PCDHA10: variants seen among roughly 807,000 people sequenced by gnomAD.
PCDHA10 encodes the protein protocadherin alpha-10.
Under a neutral mutation model 61.2 loss-of-function variants are expected in PCDHA10, and 45 were observed. That is an observed-to-expected ratio of 0.74 (90% CI 0.58 to 0.94). The LOEUF is 0.94. Among genes scored for constraint, PCDHA10 ranks in the 40% least tolerant of loss-of-function variants. The pLI is 0.00. For missense variants in PCDHA10, 1,278 were observed against 1,236.2 expected, an observed-to-expected ratio of 1.03 and a Z score of -0.51; for synonymous variants, 602 against 548.8, an observed-to-expected ratio of 1.10 and a Z score of -1.35.
Position 140,988,326 on chromosome 5 carries a change from G to A in PCDHA10, c.2536+5763G>A, listed in dbSNP as rs144904425. 8.4e-3 allele frequency among the ~76,000 whole-genome samples: 1,281 copies of A among 152,296 alleles called. 12 individuals carry two copies. The highest frequency in any genetic ancestry group is 0.014 in the Non-Finnish European group (960 of 68,020). ...CAGCTTGGCTTGGCTTTCTCTACCC[G>A]AGGAAAGTAAGTCCTTTTAAGATGC... On this transcript the variant is annotated intron_variant, in intron 3 of 3. Coordinates refer to ENST00000307360, the MANE Select transcript of PCDHA10 (RefSeq NM_018901.4).
chr5:140,945,183 A>G (rs1445694327), intron 1 of PCDHA10, among the ~76,000 whole-genome samples: 6 of 152,160 alleles, frequency 3.9e-5, no homozygotes, highest in Admixed American at 2.6e-4. Context: ...TAAATCAAGA[A>G]AACCATGCTA....
intron 1 of PCDHA10, among the ~76,000 whole-genome samples, chr5:140,904,496 A>G (rs1174844806): frequency 1.3e-5 from 2 of 151,832 alleles, no homozygotes; most frequent in Non-Finnish European, 2.9e-5. Context: ...CCAAATTTTT[A>G]CAATTGTGAA....
At chr5:140,859,562 C>A in intron 1 of PCDHA10, 1 of 176,644 alleles carries the variant, frequency 5.7e-6, no homozygotes, top group Non-Finnish European at 1.2e-5. Flanking sequence ...ACACCAATGC[C>A]ATGAATTTGT....
At chr5:140,908,013 G>A (rs2073743163) in intron 1 of PCDHA10, among the ~76,000 whole-genome samples, 1 of 152,070 alleles carries the variant, frequency 6.6e-6, no homozygotes, top group Non-Finnish European at 1.5e-5. Context: ...CAAACCACTG[G>A]CTACAGCCCA....
intron 1 of PCDHA10, chr5:140,881,297 C>T: frequency 4.3e-6 from 4 of 940,924 alleles, no homozygotes; most frequent in Non-Finnish European, 5.1e-6. Flanking sequence ...AAAATGGAAA[C>T]TTTAACCTCC....
rs199990641 is a variant in PCDHA10, at chr5:140,966,961, G to C, written c.2389-11988G>C. On this transcript the variant is annotated intron_variant, in intron 1 of 3. Coordinates refer to ENST00000307360, the MANE Select transcript of PCDHA10 (RefSeq NM_018901.4). ...TCGTGGGCAACGTGGCTCGCGCGCT[G>C]GGGCTTGAGCTGCGGCGCTTGGGGC... The C allele has an allele frequency of 8.7e-6, 14 of 1,603,190 alleles. No individual in the cohort carries two copies. The East Asian group carries it at 2.7e-4, about 31-fold the overall frequency.
Position 140,889,101 on chromosome 5 carries a change from T to C in PCDHA10, c.2388+30665T>C, listed in dbSNP as rs115792966. On this transcript the variant is annotated intron_variant, in intron 1 of 3. Transcript: ENST00000307360. ...TTAAATTTTCAAAACAATTTTTTCA[T>C]CTTTATTCCAGGTGATACTGATATG... Among the ~76,000 whole-genome samples the C allele has an allele frequency of 7.5e-3, 1,145 of 152,066 alleles. 15 individuals carry two copies. Among genetic ancestry groups the C allele is most frequent in the African/African-American group, 0.026 (1,085 of 41,518 alleles).
At chr5:140,949,628 C>G (rs974912926) in intron 1 of PCDHA10, among the ~76,000 whole-genome samples, 18 of 151,706 alleles carry the variant, frequency 1.2e-4, no homozygotes, top group African/African-American at 4.1e-4. Context: ...GTTTTCATGG[C>G]ATATTGCTTT....
In PCDHA10 at chr5:140,982,507, G is replaced by A. The variant is rs555523473; in HGVS notation, c.2480G>A (p.Arg827Gln). 21 of 1,614,138 alleles carry A rather than the reference G, an allele frequency of 1.3e-5. No individual in the cohort carries two copies. The highest frequency in any genetic ancestry group is 4.0e-5 in the African/African-American group (3 of 75,040). ...CACCTAGAGGAGGCTGGCATTCTAC[G>A]GGCTGGTCCAGGAGGGCCTGATCAG... is the stretch of plus-strand genomic sequence containing the variant. ...SVHLEEAGILRAGPGGPDQQW... is the reference protein window; with the variant it reads ...SVHLEEAGILQAGPGGPDQQW... The change falls in exon 3 of 4, where the codon CGG (arginine) becomes CAG (glutamine). Residue 827 changes from arginine (R) to glutamine (Q), a missense_variant. Arg to Gln is a conservative substitution (Grantham distance 43). Coordinates refer to ENST00000307360, the MANE Select transcript of PCDHA10 (RefSeq NM_018901.4).
chr5:140,941,462 C>T (rs1323217881), intron 1 of PCDHA10, among the ~76,000 whole-genome samples: 1 of 150,980 alleles, frequency 6.6e-6, no homozygotes, highest in Non-Finnish European at 1.5e-5. Context: ...ATTACAGGCG[C>T]CCACCACCAC....
chr5:140,893,725 C>A (rs782492563), intron 1 of PCDHA10, among the ~76,000 whole-genome samples: 4 of 152,154 alleles, frequency 2.6e-5, no homozygotes, highest in Non-Finnish European at 5.9e-5. Context: ...GCTGAGAAAT[C>A]TGCTGTTAGT....
intron 2 of PCDHA10, 93 bp downstream of exon 2, chr5:140,979,100 A>C (rs1325676942): frequency 6.5e-7 from 1 of 1,545,710 alleles, no homozygotes; most frequent in African/African-American, 1.4e-5. Context: ...CAGCTGTCAA[A>C]ACTAAAAAGC....
chr5:140,969,557 A>G, intron 1 of PCDHA10: 2 of 1,212,410 alleles, frequency 1.6e-6, no homozygotes, highest in South Asian at 3.3e-5. Context: ...AGCCTTGTCC[A>G]TAAAATTGTT....
intron 1 of PCDHA10, chr5:140,966,755 C>T (rs1554228616): frequency 7.0e-7 from 1 of 1,434,520 alleles, no homozygotes; most frequent in Admixed American, 2.7e-5. Context: ...GCCTCCGCCG[C>T]GGCCAGTGGC....
intron 1 of PCDHA10, among the ~76,000 whole-genome samples, chr5:140,978,436 G>A (rs190191755): frequency 6.6e-6 from 1 of 152,348 alleles, no homozygotes; most frequent in East Asian, 1.9e-4. Flanking sequence ...AGTTGCTGGT[G>A]TTATGACTGG....
intron 1 of PCDHA10, among the ~76,000 whole-genome samples, chr5:140,879,733 A>G (rs1213918807): frequency 6.6e-6 from 1 of 152,218 alleles, no homozygotes; most frequent in African/African-American, 2.4e-5. Flanking sequence ...GTCCAAAATC[A>G]AGGTGTTGTC....
chr5:140,979,329 C>T (rs782808442), intron 2 of PCDHA10, among the ~76,000 whole-genome samples: 3 of 152,162 alleles, frequency 2.0e-5, no homozygotes, highest in Non-Finnish European at 2.9e-5. Flanking sequence ...TTCTTTTCCT[C>T]CTTTAAAAAC....
In PCDHA10 at chr5:141,010,177, C is replaced by T; in HGVS notation, c.*240C>T. 3 of 1,556,196 alleles carry T rather than the reference C, an allele frequency of 1.9e-6. No homozygotes were observed. The highest frequency in any genetic ancestry group is 1.7e-4 in the Middle Eastern group (1 of 6,000). On this transcript the variant is annotated 3_prime_UTR_variant, in exon 4 of 4. Coordinates refer to ENST00000307360, the MANE Select transcript of PCDHA10 (RefSeq NM_018901.4). ...TGGCTTGTTTTCAGAACCTAAAAAG[C>T]AGACCCAAGTTTCCTTTCTCCTCCG... is the stretch of plus-strand genomic sequence containing the variant.
At chr5:140,969,661 G>A (rs2096351521) in intron 1 of PCDHA10, among the ~76,000 whole-genome samples, 2 of 152,166 alleles carry the variant, frequency 1.3e-5, no homozygotes, top group Non-Finnish European at 2.9e-5. Context: ...GTTTTAGGGA[G>A]TAATGTTATG....
Sources: allele counts gnomAD v4.1 joint callset (sites outside exome capture counted in the v4.1 genomes callset), GRCh38; gene constraint gnomAD v4.1.1; transcripts MANE v1.5; gene names NCBI Gene and HGNC (gene_info 2026-07-23, HGNC 2026-07-21).